SLC30A2: variants seen among roughly 807,000 people sequenced by gnomAD.
The protein encoded by SLC30A2 is proton-coupled zinc antiporter SLC30A2.
Under a neutral mutation model 39.6 loss-of-function variants are expected in SLC30A2, and 19 were observed. The ratio of observed to expected loss-of-function variants is 0.48; its 90% CI spans 0.34 to 0.70. The LOEUF is 0.70. Among genes scored for constraint, SLC30A2 ranks in the 30% least tolerant of loss-of-function variants. The pLI is 0.01. For missense variants in SLC30A2, 387 were observed against 479.4 expected (o/e 0.81, Z 1.80); for synonymous variants, 195 against 194.8 (o/e 1.00, Z -0.01).
chr1:26,039,631 G>T lies in SLC30A2; in HGVS notation c.973+146C>A. On this transcript the variant is annotated intron_variant, in intron 7 of 7. Transcript: ENST00000374276. This position sits in a 1 kb window ranked among gnomAD's most constrained non-coding sequence, Gnocchi z 4.3. ...TAAATGAGATTGTGCTGATCAGATG[G>T]AATAATGCGTATCAAGTACTCAGCA... The T allele has an allele frequency of 1.2e-6, 1 of 804,016 alleles. No homozygotes were observed. The highest frequency in any genetic ancestry group is 2.0e-6 in the Non-Finnish European group (1 of 507,302). 49.8% of individuals were successfully genotyped at this position (804,016 alleles called of 1,614,324 possible). A position where few individuals can be genotyped will look rare whatever the true frequency, so the allele number is the denominator to read the frequency against.
Position 26,042,685 on chromosome 1 carries a change from G to C in SLC30A2, c.596C>G (p.Ser199Cys), listed in dbSNP as rs112127101. 2.5e-6 allele frequency: 4 copies of C among 1,614,146 alleles called. No homozygotes were observed. In the African/African-American group the frequency reaches 4.0e-5, roughly 16 times the overall value. ...NIIMGLTLHQ[S>C]GHGHSHGTTN... ...GGTGCCGTGGCTGTGCCCATGGCCA[G>C]ACTGGTGAAGGGTCAACCCCATTCT... Residue 199 changes from serine to cysteine, a missense_variant, in exon 5 of 8, where the codon TCT becomes TGT. Coordinates refer to ENST00000374276, the MANE Select transcript of SLC30A2 (RefSeq NM_001004434.3).
Position 26,044,354 on chromosome 1 carries a change from A to G in SLC30A2, c.362T>C (p.Leu121Pro). 2 of 1,614,076 alleles carry G rather than the reference A, an allele frequency of 1.2e-6. No individual in the cohort carries two copies. Among genetic ancestry groups the G allele is most frequent in the Non-Finnish European group, 1.7e-6 (2 of 1,180,008 alleles). The change falls in exon 3 of 8, where the codon CTC (leucine) becomes CCC (proline). Residue 121 changes from leucine (L) to proline (P), a missense_variant. By Grantham distance (98) the Leu-to-Pro change is moderately conservative (BLOSUM62 -3). Transcript: ENST00000374276. Reference protein sequence around the residue: ...FASMLISLFSLWMSSRPATKT... With the variant: ...FASMLISLFSPWMSSRPATKT... ...GGTGGCTGGCCGGGAGGACATCCAG[A>G]GGGAGAAGAGGCTGATGAGCATGCT...
In SLC30A2 at chr1:26,045,007, T is replaced by G. The variant is rs773150596; in HGVS notation, c.261A>C (p.Gly87=). The G allele has an allele frequency of 6.2e-7, 1 of 1,614,228 alleles. No homozygotes were observed. Among genetic ancestry groups the G allele is most frequent in the Admixed American group, 1.7e-5 (1 of 60,032 alleles). ...CCCAAAAGTGCTTACCAACGACTTC[T>G]CCGATCATGAACAACAGGCAGATGG... ...ASAICLLFMI[G]EVVGGYLAHS... The change falls in exon 2 of 8, where the codon GGA becomes GGC. Residue 87 remains glycine, a synonymous_variant. Transcript: ENST00000374276.
intron 3 of SLC30A2, 55 bp downstream of exon 3, chr1:26,044,243 T>C (rs986675600): frequency 3.2e-5 from 51 of 1,593,314 alleles, no homozygotes; most frequent in Non-Finnish European, 4.4e-5. Flanking sequence ...TAAGAACCCC[T>C]GTTCTAACCC....
chr1:26,039,252 C>G lies in SLC30A2; in HGVS notation c.1027G>C (p.Gly343Arg). 1 of 1,614,118 alleles carries G rather than the reference C, an allele frequency of 6.2e-7. No homozygotes were observed. The highest frequency in any genetic ancestry group is 8.5e-7 in the Non-Finnish European group (1 of 1,179,978). ...GTCACGGTGTGGAAGTGGAACTTCC[C>G]TTGGAGGCGGCTGCTGGCTGTCTTC... ...VLKTASSRLQGKFHFHTVTIQ... is the reference protein window; with the variant it reads ...VLKTASSRLQRKFHFHTVTIQ... The change falls in exon 8 of 8, where the codon GGG becomes CGG. Residue 343 changes from glycine to arginine, a missense_variant. Gly to Arg is a moderately radical substitution (Grantham distance 125). Coordinates refer to ENST00000374276, the MANE Select transcript of SLC30A2 (RefSeq NM_001004434.3). This position sits in a 1 kb window ranked among gnomAD's most constrained non-coding sequence, Gnocchi z 4.3.
At chr1:26,042,783 G>A in intron 4 of SLC30A2, 75 bp from the exon 5 acceptor site, 4 of 1,387,204 alleles carry the variant, frequency 2.9e-6, no homozygotes, top group South Asian at 1.2e-5. Flanking sequence ...TAGCCAACTT[G>A]TAGGGCAAAA....
At chr1:26,042,821 C>A in intron 4 of SLC30A2, 113 bp from the exon 5 acceptor site, 1 of 973,968 alleles carries the variant, frequency 1.0e-6, no homozygotes, top group East Asian at 2.6e-5. Flanking sequence ...CTTGTGATCT[C>A]TTTGGCCATG....
intron 4 of SLC30A2, 87 bp downstream of exon 4, chr1:26,043,311 A>T (rs890712412): frequency 2.2e-6 from 3 of 1,376,976 alleles, no homozygotes; most frequent in Admixed American, 3.6e-5. Flanking sequence ...GGAAAGTGGC[A>T]CAGTCTCTTT....
In SLC30A2 at chr1:26,039,639, C is replaced by T. The variant is rs746129680; in HGVS notation, c.973+138G>A. On this transcript the variant is annotated intron_variant, in intron 7 of 7. Transcript: ENST00000374276. The surrounding 1 kb of genome is among the most constrained non-coding windows in gnomAD (Gnocchi z 4.3). ...ATTGTGCTGATCAGATGGAATAATG[C>T]GTATCAAGTACTCAGCATGAGGCTG... 8.1e-5 allele frequency: 66 copies of T among 816,076 alleles called. 1 individual carries two copies. Among genetic ancestry groups the T allele is most frequent in the East Asian group, 2.7e-5 (1 of 37,114 alleles). The allele number at this position is 816,076 out of a possible 1,614,324, so 50.6% of individuals were successfully genotyped here.
rs200368223 is a variant in SLC30A2, at chr1:26,038,429, ACT to A, written c.*729_*730del. 4.1e-3 allele frequency: 617 copies of A among 152,250 alleles called. 5 individuals are homozygous for A. Among genetic ancestry groups the A allele is most frequent in the African/African-American group, 0.013 (527 of 41,522 alleles). 9.4% of individuals were successfully genotyped at this position (152,250 alleles called of 1,614,324 possible). On this transcript the variant is annotated 3_prime_UTR_variant, in exon 8 of 8. Coordinates refer to ENST00000374276, the MANE Select transcript of SLC30A2 (RefSeq NM_001004434.3). ...CTGGAGACTCTGAATCCCCTGGGACACTCTCAGGGCAACAGAAGTGCCAGGGG... is the reference window on the plus strand; with the variant it reads ...CTGGAGACTCTGAATCCCCTGGGACACTCAGGGCAACAGAAGTGCCAGGGG...
At chr1:26,042,816 G>C (rs2050413929) in intron 4 of SLC30A2, 108 bp from the exon 5 acceptor site, 1 of 996,302 alleles carries the variant, frequency 1.0e-6, no homozygotes, top group Non-Finnish European at 1.5e-6. Context: ...TAAACCTTGT[G>C]ATCTCTTTGG....
In SLC30A2 at chr1:26,039,665, G is replaced by A; in HGVS notation, c.973+112C>T. 3.8e-6 allele frequency: 4 copies of A among 1,046,844 alleles called. No homozygotes were observed. In the South Asian group the frequency reaches 6.1e-5, roughly 16 times the overall value. The allele number at this position is 1,046,844 out of a possible 1,614,324, so 64.8% of individuals were successfully genotyped here. A position where few individuals can be genotyped will look rare whatever the true frequency, so the allele number is the denominator to read the frequency against. ...GTATCAAGTACTCAGCATGAGGCTG[G>A]GCTTGATGCATGGGCACTGTGAGCA... On this transcript the variant is annotated intron_variant, in intron 7 of 7. Transcript: ENST00000374276. This position sits in a 1 kb window ranked among gnomAD's most constrained non-coding sequence, Gnocchi z 4.3.
At position 26,038,617 on chromosome 1, in the gene SLC30A2, C is replaced by T. The variant is rs1009468631; in HGVS notation, c.*543G>A. The T allele has an allele frequency of 6.6e-6, 1 of 152,292 alleles. No homozygotes were observed. Among genetic ancestry groups the T allele is most frequent in the Non-Finnish European group, 1.5e-5 (1 of 68,072 alleles). The allele number at this position is 152,292 out of a possible 1,614,324, so 9.4% of individuals were successfully genotyped here. The stretch of plus-strand genomic sequence containing the variant: ...AGCCTCTCCCCTCCAGGAAAGGGAA[C>T]ATTTGGCTCATAGCTGAAGTGACTA... On this transcript the variant is annotated 3_prime_UTR_variant, in exon 8 of 8. Coordinates refer to ENST00000374276, the MANE Select transcript of SLC30A2 (RefSeq NM_001004434.3).
intron 2 of SLC30A2, 93 bp downstream of exon 2, chr1:26,044,904 T>TGTTC: frequency 1.0e-6 from 1 of 971,144 alleles, no homozygotes; most frequent in Non-Finnish European, 1.7e-6. Flanking sequence ...CTGTAGTGTG[T>TGTTC]GTTCAGTAAT....
chr1:26,039,855 C>T lies in SLC30A2; in HGVS notation c.895G>A (p.Gly299Arg), dbSNP rs151175941. ...AVRDLLLSVE[G>R]VEALHSLHIW... Reference sequence around the variant, plus strand: ...TGCAGGCTGTGCAGGGCTTCTACCCCCTCCACCGACAGCAGCAGATCACGA... The same window carrying T: ...TGCAGGCTGTGCAGGGCTTCTACCCTCTCCACCGACAGCAGCAGATCACGA... The change falls in exon 7 of 8, where the codon GGG (glycine) becomes AGG (arginine). Residue 299 changes from glycine to arginine, a missense_variant. Transcript: ENST00000374276. The surrounding 1 kb of genome is among the most constrained non-coding windows in gnomAD (Gnocchi z 4.3). 1.5e-5 allele frequency: 25 copies of T among 1,613,998 alleles called. No individual in the cohort carries two copies. The highest frequency in any genetic ancestry group is 8.5e-6 in the Non-Finnish European group (10 of 1,180,026).
chr1:26,044,715 C>T (rs2050439324), intron 2 of SLC30A2, among the ~76,000 whole-genome samples: 1 of 152,222 alleles, frequency 6.6e-6, no homozygotes, highest in Non-Finnish European at 1.5e-5. Context: ...AGTAAATGCT[C>T]TTCCCTTCTA....
In SLC30A2 at chr1:26,046,013, C is replaced by A. The variant is rs1569712433; in HGVS notation, c.-117G>T. 2.1e-6 allele frequency: 3 copies of A among 1,445,874 alleles called. No homozygotes were observed. 89.6% of individuals were successfully genotyped at this position (1,445,874 alleles called of 1,614,324 possible). On this transcript the variant is annotated 5_prime_UTR_variant, in exon 1 of 8. Transcript: ENST00000374276. This position sits in a 1 kb window ranked among gnomAD's most constrained non-coding sequence, Gnocchi z 4.4. ...CCTGCCCCGAGGGCCCCGCGAGGTG[C>A]GCTCACTCCGGCCCGGCTCCTGCGG...
intron 2 of SLC30A2, 78 bp from the exon 3 acceptor site, chr1:26,044,522 G>T: frequency 7.1e-7 from 1 of 1,412,790 alleles, no homozygotes; most frequent in Non-Finnish European, 9.7e-7. Flanking sequence ...GAGACCACAG[G>T]CTCTGGAAGA....
rs1014610255 is a variant in SLC30A2 at position 26,038,986 on chromosome 1, G to A, written c.*174C>T. On this transcript the variant is annotated 3_prime_UTR_variant, in exon 8 of 8. Transcript: ENST00000374276. ...TACCCGCTGAGTCCCCACCCTGGCT[G>A]TAGTCAGATGGGAGGCTGGGAAGAG... The A allele has an allele frequency of 5.7e-6, 8 of 1,395,494 alleles. No individual in the cohort carries two copies. In the African/African-American group the frequency reaches 1.2e-4, roughly 20 times the overall value. The allele number at this position is 1,395,494 out of a possible 1,614,324, so 86.4% of individuals were successfully genotyped here. A position where few individuals can be genotyped will look rare whatever the true frequency, so the allele number is the denominator to read the frequency against.
Sources: allele counts gnomAD v4.1 joint callset (sites outside exome capture counted in the v4.1 genomes callset), GRCh38; gene constraint gnomAD v4.1.1; non-coding constraint Gnocchi (gnomAD v3.1); transcripts MANE v1.5; gene names NCBI Gene and HGNC (gene_info 2026-07-23, HGNC 2026-07-21).